Variants in GLDN observed in about 807,000 individuals in gnomAD.
The protein encoded by GLDN is collomin.
A neutral mutation model predicts 56.5 loss-of-function variants in GLDN; 47 were observed. The ratio of observed to expected loss-of-function variants is 0.83; its 90% CI spans 0.66 to 1.06. The LOEUF (loss-of-function observed/expected upper bound fraction) is 1.06. Among genes scored for constraint, GLDN ranks in the 50% least tolerant of loss-of-function variants. The pLI is 0.00. For synonymous variants in GLDN, 332 were observed against 278.8 expected, an observed-to-expected ratio of 1.19 and a Z score of -1.90; for missense variants, 782 against 714.3, an observed-to-expected ratio of 1.09 and a Z score of -1.08.
chr15:51,401,766 C>G (rs1484274017), intron 9 of GLDN, 23 bp downstream of exon 9: 1 of 1,605,518 alleles, frequency 6.2e-7, no homozygotes, highest in Non-Finnish European at 8.5e-7. Context: ...ACAGCACCTT[C>G]TCACGCCTCT....
At chr15:51,384,043 C>T in intron 4 of GLDN, 151 bp downstream of exon 4, 1 of 709,730 alleles carries the variant, frequency 1.4e-6, no homozygotes, top group Non-Finnish European at 2.6e-6. Context: ...CCATTGCGTT[C>T]CGGGATACCA....
intron 1 of GLDN, among the ~76,000 whole-genome samples, chr15:51,362,810 G>C (rs370574335): frequency 6.6e-6 from 1 of 152,180 alleles, no homozygotes. Flanking sequence ...GATGATAGTG[G>C]CTTAGACCAA....
chr15:51,401,845 G>C, intron 9 of GLDN, 102 bp downstream of exon 9: 1 of 1,047,546 alleles, frequency 9.5e-7, no homozygotes, highest in South Asian at 1.6e-5. Flanking sequence ...CATCATCTTT[G>C]TGTCCCTAGG....
chr15:51,357,359 C>T (rs547642234), intron 1 of GLDN, among the ~76,000 whole-genome samples: 4 of 152,318 alleles, frequency 2.6e-5, no homozygotes, highest in East Asian at 3.9e-4. Flanking sequence ...GAAGACTTCT[C>T]GTCTCATTTC....
At chr15:51,382,499 C>T (rs1011208097) in intron 2 of GLDN, among the ~76,000 whole-genome samples, 4 of 151,820 alleles carry the variant, frequency 2.6e-5, no homozygotes, top group African/African-American at 7.3e-5. Flanking sequence ...GGGCAGATCA[C>T]GAGTTCAGGA....
Position 51,394,821 on chromosome 15 carries a change from G to GC in GLDN, c.542-14_542-13insC. 6.2e-7 allele frequency: 1 copy of GC among 1,613,696 alleles called. No individual in the cohort carries two copies. Among genetic ancestry groups the GC allele is most frequent in the Non-Finnish European group, 8.5e-7 (1 of 1,179,818 alleles). ...TGCACCATAGGCTAATATGTCTTTT[G>GC]TTTTTTTGGTCAGGGATACCTGGAG... On this transcript the variant is annotated splice_polypyrimidine_tract_variant and intron_variant, in intron 4 of 9. Transcript: ENST00000335449.
Position 51,397,478 on chromosome 15 carries a change from G to A in GLDN, c.697G>A (p.Gly233Ser). 1 of 1,522,024 alleles carries A rather than the reference G, an allele frequency of 6.6e-7. No individual in the cohort carries two copies. The highest frequency in any genetic ancestry group is 2.0e-5 in the Admixed American group (1 of 49,744). The allele number at this position is 1,522,024 out of a possible 1,614,324, so 94.3% of individuals were successfully genotyped here. A position where few individuals can be genotyped will look rare whatever the true frequency, so the allele number is the denominator to read the frequency against. The change falls in exon 6 of 10, where the codon GGT becomes AGT. Residue 233 changes from glycine (G) to serine (S), a missense_variant. Gly to Ser is a moderately conservative substitution (Grantham distance 56). Coordinates refer to ENST00000335449, the MANE Select transcript of GLDN (RefSeq NM_181789.4). Reference sequence around the variant, plus strand: ...TCTCTCTCTCTCTCCAGGTGCCAAAGGTGACCAAGGCCCACCCGGTCCACC... The same window carrying A: ...TCTCTCTCTCTCTCCAGGTGCCAAAAGTGACCAAGGCCCACCCGGTCCACC... ...SNDVLLAGAK[G>S]DQGPPGPPGP... is the part of the protein sequence containing the mutation.
intron 1 of GLDN, among the ~76,000 whole-genome samples, chr15:51,353,281 T>C (rs542793045): frequency 6.6e-6 from 1 of 152,194 alleles, no homozygotes; most frequent in East Asian, 1.9e-4. Context: ...CCCTAGCCTC[T>C]GAACTTTTGG....
chr15:51,363,186 G>A (rs2037334561), intron 1 of GLDN, among the ~76,000 whole-genome samples: 1 of 152,120 alleles, frequency 6.6e-6, no homozygotes, highest in African/African-American at 2.4e-5. Flanking sequence ...CCAGCTGGAG[G>A]CATAGTCAGG....
In GLDN at chr15:51,404,418, A is replaced by C; in HGVS notation, c.1320A>C (p.Ser440=). The change falls in exon 10 of 10, where the codon TCA becomes TCC. Residue 440 remains serine, a synonymous_variant. Coordinates refer to ENST00000335449, the MANE Select transcript of GLDN (RefSeq NM_181789.4). ...DEKGLWIIYA[S]SVDGSSILVA... ...AGGGCCTTTGGATTATCTATGCGTCAAGTGTGGACGGCTCGAGCATTCTTG... is the reference window on the plus strand; with the variant it reads ...AGGGCCTTTGGATTATCTATGCGTCCAGTGTGGACGGCTCGAGCATTCTTG... 8 of 1,614,210 alleles carry C rather than the reference A, an allele frequency of 5.0e-6. No individual in the cohort carries two copies. Among genetic ancestry groups the C allele is most frequent in the Non-Finnish European group, 6.8e-6 (8 of 1,180,042 alleles).
Position 51,404,665 on chromosome 15 carries a change from A to C in GLDN, c.1567A>C (p.Asn523His). Residue 523 changes from asparagine (N) to histidine (H), a missense_variant, in exon 10 of 10, where the codon AAC becomes CAC. Physicochemically the swap from Asn to His is moderately conservative, Grantham distance 68. Coordinates refer to ENST00000335449, the MANE Select transcript of GLDN (RefSeq NM_181789.4). ...GTCTGTTCTTGCCATGTTAGCATAC[A>C]ACATGAGAGATCAGCATTTATATTC... The part of the protein sequence containing the change: ...SQSVLAMLAY[N>H]MRDQHLYSWE... The C allele has an allele frequency of 6.2e-7, 1 of 1,613,518 alleles. No individual in the cohort carries two copies. Among genetic ancestry groups the C allele is most frequent in the Non-Finnish European group, 8.5e-7 (1 of 1,179,396 alleles).
At chr15:51,374,232 T>C (rs1181262242) in intron 1 of GLDN, among the ~76,000 whole-genome samples, 1 of 152,230 alleles carries the variant, frequency 6.6e-6, no homozygotes, top group Non-Finnish European at 1.5e-5. Flanking sequence ...CTATTGTTGC[T>C]TCTGTTGTTT....
intron 1 of GLDN, 120 bp from the exon 2 acceptor site, chr15:51,377,329 C>A: frequency 1.3e-6 from 1 of 742,310 alleles, no homozygotes; most frequent in South Asian, 1.7e-5. Context: ...CTTGAACTTC[C>A]GCGGGTTCTC....
intron 1 of GLDN, among the ~76,000 whole-genome samples, chr15:51,351,623 C>T (rs571756234): frequency 5.9e-5 from 9 of 152,352 alleles, no homozygotes; most frequent in African/African-American, 1.9e-4. Context: ...ATGCCAGGAT[C>T]TCCCTATGGC....
At chr15:51,358,173 A>C (rs1370113639) in intron 1 of GLDN, among the ~76,000 whole-genome samples, 1 of 152,200 alleles carries the variant, frequency 6.6e-6, no homozygotes, top group African/African-American at 2.4e-5. Flanking sequence ...TATAATAGAT[A>C]ATAGGTCCCC....
intron 4 of GLDN, among the ~76,000 whole-genome samples, chr15:51,387,484 C>T (rs914208785): frequency 1.3e-4 from 20 of 152,108 alleles, no homozygotes; most frequent in South Asian, 4.1e-4. Context: ...ACAGAGGGTG[C>T]GGTCACACAG....
At chr15:51,347,025 T>C (rs565430464) in intron 1 of GLDN, among the ~76,000 whole-genome samples, 1 of 152,230 alleles carries the variant, frequency 6.6e-6, no homozygotes, top group African/African-American at 2.4e-5. Context: ...GAGGTGGCAC[T>C]ACTGTACTCC....
intron 1 of GLDN, among the ~76,000 whole-genome samples, chr15:51,369,355 G>A (rs2037469999): frequency 2.0e-5 from 3 of 152,344 alleles, no homozygotes; most frequent in African/African-American, 4.8e-5. Flanking sequence ...TGGAATTTAA[G>A]TTACAAAATA....
intron 4 of GLDN, among the ~76,000 whole-genome samples, chr15:51,387,555 C>A (rs569145242): frequency 6.6e-6 from 1 of 152,240 alleles, no homozygotes; most frequent in East Asian, 1.9e-4. Context: ...GCAGCCAGCT[C>A]CCAGGATGGC....
Sources: allele counts gnomAD v4.1 joint callset (sites outside exome capture counted in the v4.1 genomes callset), GRCh38; gene constraint gnomAD v4.1.1; transcripts MANE v1.5; gene names NCBI Gene and HGNC (gene_info 2026-07-23, HGNC 2026-07-21).